Variants in ITPR1 observed in about 807,000 individuals in gnomAD.
ITPR1 encodes inositol 1,4,5-trisphosphate-gated calcium channel ITPR1.
In ITPR1, 96 loss-of-function variants were observed where a neutral mutation model predicts 318.4. That is an observed-to-expected ratio of 0.30 (90% CI 0.26 to 0.36). ITPR1 has a LOEUF of 0.36. Ranked by LOEUF, ITPR1 falls within the 10% of genes least tolerant of loss-of-function variation. The pLI is 1.00. For missense variants in ITPR1, 2,440 were observed against 3,460.2 expected (o/e 0.71, Z 7.40); for synonymous variants, 1,312 against 1,289.9 (o/e 1.02, Z -0.37).
chr3:4,640,652 C>A (rs9821992), intron 6 of ITPR1, among the ~76,000 whole-genome samples: 3 of 152,174 alleles, frequency 2.0e-5, no homozygotes, highest in African/African-American at 7.2e-5. Flanking sequence ...GGTTTTGTAC[C>A]TCACTGTGAG....
At chr3:4,588,765 G>A (rs2090136371) in intron 4 of ITPR1, among the ~76,000 whole-genome samples, 1 of 152,076 alleles carries the variant, frequency 6.6e-6, no homozygotes, top group Non-Finnish European at 1.5e-5. Context: ...CCAACTGGCA[G>A]TGTCTCCCTG....
At chr3:4,661,826 C>T (rs892827359) in intron 14 of ITPR1, among the ~76,000 whole-genome samples, 1 of 152,152 alleles carries the variant, frequency 6.6e-6, no homozygotes, top group Admixed American at 6.5e-5. Flanking sequence ...TTTGGATGCT[C>T]CCTGTAACAA....
chr3:4,637,826 C>A (rs375673541), intron 5 of ITPR1, among the ~76,000 whole-genome samples: 5 of 152,264 alleles, frequency 3.3e-5, no homozygotes, highest in African/African-American at 1.2e-4. Context: ...CAGATGCTGA[C>A]TTTGAAGGAA....
At chr3:4,748,051 C>T (rs2044233803) in intron 44 of ITPR1, among the ~76,000 whole-genome samples, 1 of 152,136 alleles carries the variant, frequency 6.6e-6, no homozygotes, top group Admixed American at 6.5e-5. Context: ...TATAAAGTGC[C>T]CAGCACTGTG....
intron 42 of ITPR1, among the ~76,000 whole-genome samples, chr3:4,732,221 T>TC (rs1406616290): frequency 5.9e-5 from 9 of 152,338 alleles, no homozygotes; most frequent in African/African-American, 2.2e-4. Context: ...GAGGTTTTTT[T>TC]GGTTAGAGTA....
Position 4,717,068 on chromosome 3 carries a change from A to G in ITPR1, c.5104-299A>G, listed in dbSNP as rs76415816. On this transcript the variant is annotated intron_variant, in intron 39 of 61. Transcript: ENST00000649015. The stretch of plus-strand genomic sequence containing the variant: ...TTTGCCCTTGCTCCCAGCTCGGTTC[A>G]TGTTTTCATGTCCACAAGCAAGCAC... Among the ~76,000 whole-genome samples the G allele has an allele frequency of 0.022, 3,304 of 152,292 alleles. 118 individuals are homozygous for G. Among genetic ancestry groups the G allele is most frequent in the African/African-American group, 0.073 (3,016 of 41,550 alleles).
intron 54 of ITPR1, among the ~76,000 whole-genome samples, chr3:4,802,087 A>C (rs2106471516): frequency 6.6e-6 from 1 of 152,320 alleles, no homozygotes; most frequent in South Asian, 2.1e-4. Context: ...AGGTGAAAAA[A>C]GGGTTCCGTG....
At chr3:4,535,139 C>CG (rs2083743467) in intron 4 of ITPR1, among the ~76,000 whole-genome samples, 1 of 138,054 alleles carries the variant, frequency 7.2e-6, no homozygotes, top group Non-Finnish European at 1.6e-5. Flanking sequence ...TTGATCTGGG[C>CG]GGGGGGAGGG....
chr3:4,808,165 G>C (rs1006936958), intron 55 of ITPR1, among the ~76,000 whole-genome samples: 2 of 152,226 alleles, frequency 1.3e-5, no homozygotes, highest in African/African-American at 4.8e-5. Flanking sequence ...ACATTACAGG[G>C]ACAGCCGTTT....
intron 4 of ITPR1, among the ~76,000 whole-genome samples, chr3:4,585,495 G>A (rs2089799839): frequency 6.6e-6 from 1 of 152,028 alleles, no homozygotes; most frequent in Non-Finnish European, 1.5e-5. Context: ...GGAGTGCAGT[G>A]GTACGATCCC....
intron 20 of ITPR1, chr3:4,671,825 G>A (rs545895953): frequency 6.6e-6 from 1 of 152,314 alleles, no homozygotes; most frequent in Non-Finnish European, 1.5e-5. Context: ...ATTCATGTGT[G>A]ATGTACGCAT....
At position 4,641,253 on chromosome 3, in the gene ITPR1, C is replaced by G. The variant is rs951008794; in HGVS notation, c.367-840C>G. Among the ~76,000 whole-genome samples, 5 of 152,252 alleles carry G rather than the reference C, an allele frequency of 3.3e-5. No homozygotes were observed. The South Asian group carries it at 1.0e-3, about 32-fold the overall frequency. ...GACTATCAGACACGTTATATCCCCT[C>G]TAGGTCTTCAGTCTTTCCATATTCC... On this transcript the variant is annotated intron_variant, in intron 6 of 61. Transcript: ENST00000649015.
At chr3:4,608,398 C>T (rs1481535807) in intron 4 of ITPR1, among the ~76,000 whole-genome samples, 2 of 152,040 alleles carry the variant, frequency 1.3e-5, no homozygotes, top group Non-Finnish European at 2.9e-5. Context: ...TTTTGAGACA[C>T]GATTCAGAAG....
At chr3:4,714,961 A>G (rs1053502588) in intron 39 of ITPR1, among the ~76,000 whole-genome samples, 3 of 152,264 alleles carry the variant, frequency 2.0e-5, no homozygotes, top group Admixed American at 2.0e-4. Flanking sequence ...TTCCTAGATT[A>G]TAAGTTACAA....
chr3:4,681,992 T>A (rs2094312247), intron 26 of ITPR1, among the ~76,000 whole-genome samples: 1 of 152,242 alleles, frequency 6.6e-6, no homozygotes. Context: ...AAGTATAAAA[T>A]TTGGTATAAA....
intron 35 of ITPR1, among the ~76,000 whole-genome samples, chr3:4,700,917 T>C (rs2094638965): frequency 6.6e-6 from 1 of 152,134 alleles, no homozygotes; most frequent in Admixed American, 6.5e-5. Context: ...CATCAGATCA[T>C]GCGAGACTCA....
At chr3:4,715,423 T>C (rs1363766715) in intron 39 of ITPR1, among the ~76,000 whole-genome samples, 1 of 152,200 alleles carries the variant, frequency 6.6e-6, no homozygotes, top group East Asian at 1.9e-4. Flanking sequence ...GCCAAGTGCA[T>C]TTACAAAGTG....
rs2094433338 is a variant in ITPR1 at position 4,688,536 on chromosome 3, T to C, written c.3744T>C (p.His1248=). Residue 1248 remains histidine (H), a synonymous_variant, in exon 31 of 62, where the codon CAT becomes CAC. Transcript: ENST00000649015. ...TKMQEIMRLA[H]EFLQNFCAGN... ...TGCAAGAGATAATGAGGTTGGCTCA[T>C]GAATTTTTGCAGAATTTCTGCGCAG... The C allele has an allele frequency of 2.5e-6, 4 of 1,613,924 alleles. No individual in the cohort carries two copies. The highest frequency in any genetic ancestry group is 1.7e-5 in the Admixed American group (1 of 60,012).
At chr3:4,814,723 A>G (rs1319182672) in intron 58 of ITPR1, 161 bp downstream of exon 58, 3 of 699,738 alleles carry the variant, frequency 4.3e-6, no homozygotes, top group Admixed American at 2.9e-5. Flanking sequence ...TTTCCTCTCT[A>G]TCACGTGAGG....
Sources: allele counts gnomAD v4.1 joint callset (sites outside exome capture counted in the v4.1 genomes callset), GRCh38; gene constraint gnomAD v4.1.1; transcripts MANE v1.5; gene names NCBI Gene and HGNC (gene_info 2026-07-23, HGNC 2026-07-21).